Variants in PVT1 observed in about 807,000 individuals in gnomAD.
PVT1 encodes CXCR4/PVT1 fusion.
rs1742018990 is a variant in PVT1, at chr8:127,998,704, TTTC to T, written n.912+9416_912+9418del. On this transcript the variant is annotated intron_variant and non_coding_transcript_variant, in intron 4 of 10. Transcript: ENST00000651587. ...CCCTTCCTCTTTTCTTTCTTCTTTCTTTCTTTCTTTCCTTCCTTTCTCCTTCCT... is the reference window on the plus strand; with the variant it reads ...CCCTTCCTCTTTTCTTTCTTCTTTCTTTTCTTTCCTTCCTTTCTCCTTCCT... Among the ~76,000 whole-genome samples the T allele has an allele frequency of 1.3e-5, 2 of 150,286 alleles. 1 individual carries two copies. Among genetic ancestry groups the T allele is most frequent in the South Asian group, 4.3e-4 (2 of 4,648 alleles).
intron 4 of PVT1, among the ~76,000 whole-genome samples, chr8:128,022,612 C>G (rs1307032234): frequency 6.6e-6 from 1 of 152,186 alleles, no homozygotes; most frequent in African/African-American, 2.4e-5. Context: ...CTCCTTTGTA[C>G]CCATGATATC....
chr8:128,006,950 C>A (rs1325285013), intron 4 of PVT1, among the ~76,000 whole-genome samples: 1 of 152,190 alleles, frequency 6.6e-6, no homozygotes, highest in Non-Finnish European at 1.5e-5. Flanking sequence ...TTTGCCTGGT[C>A]CAGCCCTGGA....
At chr8:127,970,093 C>T (rs1200902653) in intron 3 of PVT1, among the ~76,000 whole-genome samples, 1 of 152,096 alleles carries the variant, frequency 6.6e-6, no homozygotes, top group African/African-American at 2.4e-5. Flanking sequence ...CCCCCTTTGG[C>T]TCTTGAATAA....
chr8:127,919,064 G>T (rs181613689), intron 3 of PVT1, among the ~76,000 whole-genome samples: 45 of 152,316 alleles, frequency 3.0e-4, no homozygotes, highest in African/African-American at 1.0e-3. Flanking sequence ...GGCAGTGCGC[G>T]TTGGGCCTTC....
At chr8:127,833,972 C>T (rs1486785134) in intron 2 of PVT1, among the ~76,000 whole-genome samples, 2 of 152,130 alleles carry the variant, frequency 1.3e-5, no homozygotes, top group Non-Finnish European at 2.9e-5. Flanking sequence ...CTAACAAGCT[C>T]ACAGGTGACA....
intron 2 of PVT1, among the ~76,000 whole-genome samples, chr8:127,803,722 AG>A (rs1814495973): frequency 2.1e-5 from 2 of 95,910 alleles, no homozygotes; most frequent in South Asian, 7.2e-4. Flanking sequence ...CTGTCTCTAC[AG>A]TTTTTTTTTT....
intron 2 of PVT1, among the ~76,000 whole-genome samples, chr8:127,824,201 C>T (rs1451655539): frequency 6.6e-6 from 1 of 152,142 alleles, no homozygotes; most frequent in Non-Finnish European, 1.5e-5. Context: ...AACTATCTGG[C>T]TTCATCCTAA....
intron 4 of PVT1, among the ~76,000 whole-genome samples, chr8:128,047,725 T>G (rs1299910881): frequency 3.3e-5 from 5 of 152,126 alleles, no homozygotes; most frequent in African/African-American, 4.8e-5. Flanking sequence ...GATTAAGTTG[T>G]GATAAAATGG....
chr8:128,015,571 G>A (rs755633373), intron 4 of PVT1, among the ~76,000 whole-genome samples: 14 of 151,894 alleles, frequency 9.2e-5, no homozygotes, highest in Non-Finnish European at 1.5e-4. Flanking sequence ...TCAAGAAATC[G>A]AGACCATCCT....
At chr8:127,937,578 C>CAGAGAGAGAGAGAGAGAGAGAG (rs1296575228) in intron 3 of PVT1, among the ~76,000 whole-genome samples, 38 of 119,346 alleles carry the variant, frequency 3.2e-4, no homozygotes, top group African/African-American at 1.2e-3. Context: ...CACACACACA[C>CAGAGAGAGAGAGAGAGAGAGAG]ACAGAGAGAG....
At chr8:127,812,286 GGA>G (rs1814606776) in intron 2 of PVT1, among the ~76,000 whole-genome samples, 1 of 147,914 alleles carries the variant, frequency 6.8e-6, no homozygotes, top group African/African-American at 2.5e-5. Flanking sequence ...AAGGAAGGAA[GGA>G]AGAGAATGAA....
intron 3 of PVT1, chr8:127,960,829 A>G (rs1336662812): frequency 7.6e-6 from 2 of 263,516 alleles, no homozygotes; most frequent in Non-Finnish European, 1.6e-5. Context: ...AGTTTAATTG[A>G]GCACATACTG....
At chr8:128,075,382 A>T (rs1254134638) in intron 5 of PVT1, among the ~76,000 whole-genome samples, 1 of 152,230 alleles carries the variant, frequency 6.6e-6, no homozygotes, top group African/African-American at 2.4e-5. Flanking sequence ...GGCACATAAT[A>T]GATGCTCAAA....
rs147376099 is a variant in PVT1 at position 127,991,300 on chromosome 8, G to T, written n.912+2009G>T. Among the ~76,000 whole-genome samples, 1,117 of 151,926 alleles carry T rather than the reference G, an allele frequency of 7.4e-3. 18 individuals are homozygous for T. The highest frequency in any genetic ancestry group is 0.026 in the African/African-American group (1,066 of 41,438). On this transcript the variant is annotated intron_variant and non_coding_transcript_variant, in intron 4 of 10. Coordinates refer to ENST00000651587, the Ensembl canonical transcript of PVT1. ...TGGGACTACAGGTGCCCACCACCAC[G>T]CCTGGCTACTTTTTTTTGTATTTTT...
rs528199803 is a variant in PVT1 at position 127,840,741 on chromosome 8, G to A, written n.372+44670G>A. Among the ~76,000 whole-genome samples the A allele has an allele frequency of 4.6e-5, 7 of 152,362 alleles. No individual in the cohort carries two copies. The South Asian group carries it at 1.4e-3, about 32-fold the overall frequency. ...TCTGGATTTGTTCCCCTAAGAGGGT[G>A]GCACCGAACTGGTCCTGCCCATGCA... On this transcript the variant is annotated intron_variant and non_coding_transcript_variant, in intron 2 of 10. Transcript: ENST00000651587.
chr8:127,830,389 G>A (rs1814836228), intron 2 of PVT1, among the ~76,000 whole-genome samples: 2 of 151,940 alleles, frequency 1.3e-5, no homozygotes, highest in East Asian at 1.9e-4. Context: ...GAAGCAAGGA[G>A]CTTGCTATGT....
At chr8:127,999,218 C>T (rs1216531546) in intron 4 of PVT1, 4 of 152,112 alleles carry the variant, frequency 2.6e-5, no homozygotes, top group Admixed American at 1.3e-4. Flanking sequence ...TGTGCTGACC[C>T]CTGTGATTCC....
At chr8:127,988,903 C>A (rs753618634) in intron 3 of PVT1, among the ~76,000 whole-genome samples, 6 of 152,134 alleles carry the variant, frequency 3.9e-5, no homozygotes, top group Non-Finnish European at 5.9e-5. Flanking sequence ...TCACTTCTGC[C>A]CTGACTGCCT....
At chr8:127,854,303 AC>A (rs1233350666) in intron 2 of PVT1, among the ~76,000 whole-genome samples, 2 of 151,852 alleles carry the variant, frequency 1.3e-5, no homozygotes, top group Non-Finnish European at 2.9e-5. Context: ...CTGGCACAAG[AC>A]CCCCTGCTCC....
Sources: allele counts gnomAD v4.1 joint callset (sites outside exome capture counted in the v4.1 genomes callset), GRCh38; gene constraint gnomAD v4.1.1; transcripts MANE v1.5; gene names NCBI Gene and HGNC (gene_info 2026-07-23, HGNC 2026-07-21).